Variants in ZNF385D observed in about 807,000 individuals in gnomAD.
ZNF385D encodes the protein zinc finger protein 659.
Under a neutral mutation model 35.8 loss-of-function variants are expected in ZNF385D, and 15 were observed. That is an observed-to-expected ratio of 0.42 (90% confidence interval 0.28 to 0.64). ZNF385D has a LOEUF of 0.64. Ranked by LOEUF, ZNF385D falls within the 30% of genes least tolerant of loss-of-function variation. The pLI is 0.23. For synonymous variants in ZNF385D, 212 were observed against 186.8 expected (o/e 1.13, Z -1.10); for missense variants, 474 against 494.6 (o/e 0.96, Z 0.39).
At chr3:22,089,735 T>C (rs1701227769) in intron 3 of ZNF385D, among the ~76,000 whole-genome samples, 1 of 152,198 alleles carries the variant, frequency 6.6e-6, no homozygotes, top group Admixed American at 6.5e-5. Flanking sequence ...GCCCAAAGGG[T>C]AATAGTTGTT....
chr3:21,987,654 T>A (rs1189131039), intron 3 of ZNF385D, among the ~76,000 whole-genome samples: 2 of 141,544 alleles, frequency 1.4e-5, no homozygotes, highest in Non-Finnish European at 3.0e-5. Context: ...GTCTTGGAGT[T>A]GCTCTTCTCG....
intron 1 of ZNF385D, among the ~76,000 whole-genome samples, chr3:21,672,997 G>C (rs887718291): frequency 6.6e-6 from 1 of 152,082 alleles, no homozygotes; most frequent in Non-Finnish European, 1.5e-5. Context: ...TTGTCAGGTA[G>C]ACAGTGAATA....
chr3:21,745,105 C>A (rs1186937111), intron 1 of ZNF385D, among the ~76,000 whole-genome samples: 3 of 152,300 alleles, frequency 2.0e-5, no homozygotes, highest in African/African-American at 7.2e-5. Context: ...TAAAAACTCT[C>A]AGCCTACCAA....
intron 2 of ZNF385D, among the ~76,000 whole-genome samples, chr3:22,352,691 T>C (rs976904580): frequency 6.6e-6 from 1 of 152,144 alleles, no homozygotes; most frequent in Non-Finnish European, 1.5e-5. Flanking sequence ...CAATTCCAAA[T>C]TATAAGCAAA....
intron 2 of ZNF385D, among the ~76,000 whole-genome samples, chr3:21,639,338 G>A (rs1376231973): frequency 6.6e-6 from 1 of 151,968 alleles, no homozygotes; most frequent in Non-Finnish European, 1.5e-5. Context: ...TAGATCCCCA[G>A]AGCTTTGGCA....
At chr3:21,830,316 T>C (rs757108157) in intron 3 of ZNF385D, among the ~76,000 whole-genome samples, 10 of 152,208 alleles carry the variant, frequency 6.6e-5, no homozygotes, top group Non-Finnish European at 1.2e-4. Context: ...GACTGATATT[T>C]GATTAACTGA....
intron 2 of ZNF385D, among the ~76,000 whole-genome samples, chr3:21,592,109 A>G (rs530290963): frequency 1.3e-5 from 2 of 152,310 alleles, no homozygotes; most frequent in African/African-American, 2.4e-5. Context: ...AAGTGAGATT[A>G]TATTTGCAAA....
chr3:21,970,800 G>A (rs915971526), intron 3 of ZNF385D, among the ~76,000 whole-genome samples: 61 of 151,900 alleles, frequency 4.0e-4, no homozygotes, highest in Non-Finnish European at 7.4e-4. Context: ...ATAAAGAAAG[G>A]ATCCCACAAG....
intron 3 of ZNF385D, among the ~76,000 whole-genome samples, chr3:21,764,761 G>C (rs974575737): frequency 2.6e-5 from 4 of 152,156 alleles, no homozygotes; most frequent in African/African-American, 9.6e-5. Flanking sequence ...TGAATTCTAT[G>C]TCACACACAG....
chr3:21,489,914 G>A (rs1451559079), intron 4 of ZNF385D, among the ~76,000 whole-genome samples: 1 of 152,080 alleles, frequency 6.6e-6, no homozygotes, highest in Admixed American at 6.6e-5. Context: ...GTCTGGACCT[G>A]AACACAACCT....
At chr3:21,685,629 T>C (rs1437078649) in intron 1 of ZNF385D, among the ~76,000 whole-genome samples, 4 of 152,258 alleles carry the variant, frequency 2.6e-5, no homozygotes, top group Admixed American at 1.3e-4. Context: ...TGAAACCAAA[T>C]GGTCTAGACA....
intron 3 of ZNF385D, among the ~76,000 whole-genome samples, chr3:22,081,385 A>T (rs1460183679): frequency 1.3e-5 from 2 of 152,244 alleles, no homozygotes; most frequent in Non-Finnish European, 2.9e-5. Flanking sequence ...GTCCTAAAAA[A>T]GATCCAAATT....
At chr3:22,323,963 A>G (rs568821397) in intron 2 of ZNF385D, among the ~76,000 whole-genome samples, 50 of 152,298 alleles carry the variant, frequency 3.3e-4, no homozygotes, top group African/African-American at 1.2e-3. Flanking sequence ...AGCTCAATTT[A>G]TTCTAGAAAT....
intron 2 of ZNF385D, among the ~76,000 whole-genome samples, chr3:22,303,403 G>C (rs922977612): frequency 6.6e-6 from 1 of 152,118 alleles, no homozygotes; most frequent in Non-Finnish European, 1.5e-5. Flanking sequence ...CCTTTGAAAG[G>C]AAAAGTCCTA....
chr3:22,201,483 AG>A (rs1696796459), intron 2 of ZNF385D, among the ~76,000 whole-genome samples: 1 of 152,126 alleles, frequency 6.6e-6, no homozygotes, highest in African/African-American at 2.4e-5. Context: ...ATAATTGATG[AG>A]CACTTGTTTA....
intron 1 of ZNF385D, among the ~76,000 whole-genome samples, chr3:21,750,619 A>G (rs1446475155): frequency 6.6e-6 from 1 of 152,104 alleles, no homozygotes; most frequent in African/African-American, 2.4e-5. Context: ...AGCCAACTTC[A>G]TTCAGGCAAA....
At chr3:21,830,229 T>A (rs1451970452) in intron 3 of ZNF385D, among the ~76,000 whole-genome samples, 1 of 152,210 alleles carries the variant, frequency 6.6e-6, no homozygotes, top group Non-Finnish European at 1.5e-5. Context: ...ACTGACACTC[T>A]GTCTGTTATG....
intron 2 of ZNF385D, among the ~76,000 whole-genome samples, chr3:22,174,159 G>A (rs1158674663): frequency 6.6e-6 from 1 of 152,046 alleles, no homozygotes; most frequent in Non-Finnish European, 1.5e-5. Flanking sequence ...TAAAATGAAA[G>A]TATGTAAAAT....
intron 4 of ZNF385D, among the ~76,000 whole-genome samples, chr3:21,482,323 C>A (rs1286618325): frequency 1.3e-5 from 2 of 152,126 alleles, no homozygotes; most frequent in Admixed American, 1.3e-4. Flanking sequence ...TTTTTTGGAA[C>A]ACTGGCCATG....
Sources: allele counts gnomAD v4.1 joint callset (sites outside exome capture counted in the v4.1 genomes callset), GRCh38; gene constraint gnomAD v4.1.1; transcripts MANE v1.5; gene names NCBI Gene and HGNC (gene_info 2026-07-23, HGNC 2026-07-21).